The following RNF2 variants were observed in gnomAD, a reference collection of about 807,000 sequenced individuals.
RNF2 encodes the protein E3 ubiquitin-protein ligase RING2.
In RNF2, 6 loss-of-function variants were observed where a neutral mutation model predicts 37.2. The ratio of observed to expected loss-of-function variants is 0.16; its 90% CI spans 0.09 to 0.32. The LOEUF (loss-of-function observed/expected upper bound fraction) is 0.32. Among genes scored for constraint, RNF2 ranks in the 10% least tolerant of loss-of-function variants. The pLI is 1.00. For missense variants in RNF2, 251 were observed against 404.0 expected, an observed-to-expected ratio of 0.62 and a Z score of 3.25; for synonymous variants, 133 against 132.7, an observed-to-expected ratio of 1.00 and a Z score of -0.02.
intron 1 of RNF2, among the ~76,000 whole-genome samples, chr1:185,076,758 A>T (rs374010603): frequency 1.4e-4 from 21 of 150,978 alleles, no homozygotes; most frequent in East Asian, 1.4e-3. Context: ...TGTTATATTG[A>T]TCTGTTTTTC....
chr1:185,097,659 G>T (rs1651950440), intron 4 of RNF2, among the ~76,000 whole-genome samples: 1 of 152,160 alleles, frequency 6.6e-6, no homozygotes, highest in Admixed American at 6.5e-5. Flanking sequence ...TCAGCCTCCT[G>T]AGTAGCTGAG....
chr1:185,101,853 T>TTTTC lies in RNF2; in HGVS notation c.*1553_*1554insTTCT, dbSNP rs1395864520. On this transcript the variant is annotated 3_prime_UTR_variant, in exon 7 of 7. Coordinates refer to ENST00000367510, the MANE Select transcript of RNF2 (RefSeq NM_007212.4). ...CAGGGTTTTTTTTTTTTTTTTTTTT[T>TTTTC]TGTAATCTGTGCCATGAAATTTGAA... The TTTTC allele has an allele frequency of 6.7e-6, 1 of 149,238 alleles. No individual in the cohort carries two copies. The highest frequency in any genetic ancestry group is 2.5e-5 in the African/African-American group (1 of 40,026). The allele number at this position is 149,238 out of a possible 1,614,324, so 9.2% of individuals were successfully genotyped here.
intron 1 of RNF2, among the ~76,000 whole-genome samples, chr1:185,072,952 A>C (rs1651030234): frequency 6.6e-6 from 1 of 150,752 alleles, no homozygotes; most frequent in Non-Finnish European, 1.5e-5. Context: ...AAAAACAAAC[A>C]AAAAAACATA....
chr1:185,070,322 A>G (rs998249325), intron 1 of RNF2, among the ~76,000 whole-genome samples: 2 of 152,246 alleles, frequency 1.3e-5, no homozygotes, highest in South Asian at 4.1e-4. Flanking sequence ...TGCTAGAGCA[A>G]GGATGCAAAT....
chr1:185,050,621 T>A (rs1650244761), intron 1 of RNF2, among the ~76,000 whole-genome samples: 1 of 152,226 alleles, frequency 6.6e-6, no homozygotes, highest in Non-Finnish European at 1.5e-5. Context: ...AAAATATTGA[T>A]CATTACCTTT....
At chr1:185,047,965 G>A (rs1051862309) in intron 1 of RNF2, among the ~76,000 whole-genome samples, 1 of 152,172 alleles carries the variant, frequency 6.6e-6, no homozygotes, top group African/African-American at 2.4e-5. Flanking sequence ...CTGAGTAGGT[G>A]CCCATATAAT....
chr1:185,065,458 C>T (rs1166387894), intron 1 of RNF2, among the ~76,000 whole-genome samples: 1 of 152,228 alleles, frequency 6.6e-6, no homozygotes, highest in Non-Finnish European at 1.5e-5. Context: ...GCTGCTCACT[C>T]TTTGGGTCGG....
intron 1 of RNF2, among the ~76,000 whole-genome samples, chr1:185,076,824 T>C (rs886418973): frequency 1.3e-5 from 2 of 152,112 alleles, no homozygotes; most frequent in Admixed American, 6.5e-5. Context: ...TGTTTTAAGG[T>C]AAACTCTCTC....
At chr1:185,072,361 A>G (rs552555018) in intron 1 of RNF2, among the ~76,000 whole-genome samples, 1 of 152,216 alleles carries the variant, frequency 6.6e-6, no homozygotes, top group South Asian at 2.1e-4. Context: ...ATATTTATTG[A>G]ATGACTACTA....
chr1:185,067,710 T>C (rs1332436776), intron 1 of RNF2, among the ~76,000 whole-genome samples: 1 of 84,902 alleles, frequency 1.2e-5, no homozygotes, highest in Admixed American at 1.1e-4. Context: ...AAAGTATCCT[T>C]TTTTTTTTTT....
intron 1 of RNF2, among the ~76,000 whole-genome samples, chr1:185,060,234 A>G (rs905429164): frequency 6.6e-6 from 1 of 152,164 alleles, no homozygotes; most frequent in Admixed American, 6.5e-5. Flanking sequence ...GCTTTGCTTT[A>G]TGCCTTAGTT....
chr1:185,064,671 C>A (rs943019720), intron 1 of RNF2, among the ~76,000 whole-genome samples: 1 of 149,222 alleles, frequency 6.7e-6, no homozygotes, highest in Non-Finnish European at 1.5e-5. Flanking sequence ...CAACGAGCAT[C>A]TTTATTGTTA....
chr1:185,072,772 C>CT (rs1297359916), intron 1 of RNF2, among the ~76,000 whole-genome samples: 1 of 152,084 alleles, frequency 6.6e-6, no homozygotes, highest in Admixed American at 6.6e-5. Context: ...AACCCCATCT[C>CT]TAATAAAAAT....
chr1:185,098,197 C>T lies in RNF2; in HGVS notation c.590C>T (p.Thr197Ile). 1 of 1,614,158 alleles carries T rather than the reference C, an allele frequency of 6.2e-7. No individual in the cohort carries two copies. The highest frequency in any genetic ancestry group is 8.5e-7 in the Non-Finnish European group (1 of 1,180,034). ...NQEAGPSNKR[T>I]KTSDDSGLEL... ...GAAGCAGGCCCTAGTAACAAACGGACCAAAACATCTGATGATTCTGGGCTA... is the reference window on the plus strand; with the variant it reads ...GAAGCAGGCCCTAGTAACAAACGGATCAAAACATCTGATGATTCTGGGCTA... The change falls in exon 5 of 7, where the codon ACC (threonine) becomes ATC (isoleucine). Residue 197 changes from threonine to isoleucine, a missense_variant. Transcript: ENST00000367510.
intron 1 of RNF2, among the ~76,000 whole-genome samples, chr1:185,078,676 G>A (rs570722974): frequency 4.6e-5 from 7 of 151,642 alleles, no homozygotes; most frequent in Non-Finnish European, 7.4e-5. Context: ...TTGGGAGGCC[G>A]AGGTGGGCGG....
chr1:185,050,462 T>C (rs1028125650), intron 1 of RNF2, among the ~76,000 whole-genome samples: 4 of 152,382 alleles, frequency 2.6e-5, no homozygotes, highest in African/African-American at 9.6e-5. Flanking sequence ...TTTTCTGAGA[T>C]GTCTCAATTT....
intron 1 of RNF2, among the ~76,000 whole-genome samples, chr1:185,050,481 A>AATT (rs1557957485): frequency 6.6e-6 from 1 of 152,200 alleles, no homozygotes; most frequent in Non-Finnish European, 1.5e-5. Flanking sequence ...TTCGTCACAT[A>AATT]ATTATTATTT....
At chr1:185,093,836 T>C (rs751794692) in intron 4 of RNF2, among the ~76,000 whole-genome samples, 5 of 152,226 alleles carry the variant, frequency 3.3e-5, no homozygotes, top group East Asian at 1.9e-4. Context: ...CTGTGAAATA[T>C]GGCGTGTCCC....
chr1:185,045,751 G>T (rs1031088114), intron 1 of RNF2, 102 bp downstream of exon 1: 2 of 149,530 alleles, frequency 1.3e-5, no homozygotes, highest in Non-Finnish European at 2.9e-5. Context: ...CCCGGAGTGT[G>T]GGGGGGGTGT....
Sources: gnomAD v4.1 joint callset for allele counts (sites outside exome capture counted in the v4.1 genomes callset) on GRCh38, gnomAD v4.1.1 for gene constraint, MANE v1.5 for transcripts, NCBI Gene and HGNC (gene_info 2026-07-23, HGNC 2026-07-21) for gene names.